TMEM232: variants seen among roughly 807,000 people sequenced by gnomAD.
TMEM232 encodes transmembrane protein 232.
Under a neutral mutation model 78.8 loss-of-function variants are expected in TMEM232, and 80 were observed. The observed-to-expected ratio is 1.01, with a 90% CI of 0.85 to 1.22. TMEM232 has a LOEUF of 1.22. TMEM232 is among the 50% of genes most tolerant of loss of function. TMEM232 has a pLI of 0.00. For missense variants in TMEM232, 881 were observed against 742.2 expected (o/e 1.19, Z -2.17); for synonymous variants, 297 against 254.3 (o/e 1.17, Z -1.60).
chr5:110,482,903 TG>T (rs970408840), intron 12 of TMEM232, among the ~76,000 whole-genome samples: 7 of 150,714 alleles, frequency 4.6e-5, no homozygotes, highest in African/African-American at 1.7e-4. Context: ...AATTTTCCCA[TG>T]GCACACTTTC....
chr5:110,609,896 C>T (rs1288675009), intron 8 of TMEM232, among the ~76,000 whole-genome samples: 2 of 151,958 alleles, frequency 1.3e-5, no homozygotes, highest in Non-Finnish European at 2.9e-5. Context: ...GTATCAGTCT[C>T]AGTACTCAGA....
intron 12 of TMEM232, among the ~76,000 whole-genome samples, chr5:110,502,859 C>T (rs761286845): frequency 5.3e-5 from 8 of 152,176 alleles, no homozygotes; most frequent in Non-Finnish European, 7.3e-5. Flanking sequence ...ACTTAAAAAT[C>T]CTTTCCTCAA....
chr5:110,574,928 G>A lies in TMEM232; in HGVS notation c.1277-6303C>T, dbSNP rs1462427780. Among the ~76,000 whole-genome samples the A allele has an allele frequency of 2.6e-5, 4 of 151,978 alleles. No individual in the cohort carries two copies. In the East Asian group the frequency reaches 7.7e-4, roughly 29 times the overall value. ...ATTATCAAACATGAGTGATGTCTTA[G>A]GGATCTCCAGACTTGTAGTTGGTGT... On this transcript the variant is annotated intron_variant, in intron 10 of 13. Coordinates refer to ENST00000455884, the MANE Select transcript of TMEM232 (RefSeq NM_001039763.4).
intron 12 of TMEM232, among the ~76,000 whole-genome samples, chr5:110,469,456 C>G (rs1042901334): frequency 1.3e-5 from 2 of 152,188 alleles, no homozygotes; most frequent in Admixed American, 6.5e-5. Context: ...AGAGACCAAG[C>G]TGAAGTTACA....
intron 10 of TMEM232, among the ~76,000 whole-genome samples, chr5:110,594,928 G>T (rs1377602541): frequency 6.6e-6 from 1 of 152,208 alleles, no homozygotes; most frequent in Non-Finnish European, 1.5e-5. Flanking sequence ...TCTGCTAAAG[G>T]GCAGACTGCC....
intron 2 of TMEM232, among the ~76,000 whole-genome samples, chr5:110,655,243 A>G (rs1349602291): frequency 6.6e-6 from 1 of 151,978 alleles, no homozygotes; most frequent in African/African-American, 2.4e-5. Flanking sequence ...AAAGTGGGCA[A>G]AGGATATGAA....
rs543775092 is a variant in TMEM232 at position 110,455,273 on chromosome 5, C to T, written c.1704-30357G>A. Among the ~76,000 whole-genome samples the T allele has an allele frequency of 5.1e-4, 78 of 152,176 alleles. 1 individual carries two copies. The highest frequency in any genetic ancestry group is 1.7e-3 in the African/African-American group (71 of 41,536). ...CAAAATCTCCATGAAAGTAACATTT[C>T]GCAATTCATCTCATGAGGCCAGTGC... On this transcript the variant is annotated intron_variant, in intron 12 of 13. Transcript: ENST00000455884.
chr5:110,656,714 G>C (rs930457562), intron 2 of TMEM232, among the ~76,000 whole-genome samples: 1 of 151,696 alleles, frequency 6.6e-6, no homozygotes, highest in Non-Finnish European at 1.5e-5. Flanking sequence ...GCAGGGCACC[G>C]GTAGTCCCAG....
chr5:110,584,837 T>G (rs1053205915), intron 10 of TMEM232, among the ~76,000 whole-genome samples: 8 of 152,120 alleles, frequency 5.3e-5, no homozygotes, highest in African/African-American at 7.2e-5. Context: ...TGAATATATA[T>G]CACCATAATT....
In TMEM232 at chr5:110,574,281, A is replaced by G. The variant is rs554007413; in HGVS notation, c.1277-5656T>C. ...CTTTTCGCTTCTTGGTAGAAAATGG[A>G]CTCTATGGAATATAAGAGGGAAGCA... On this transcript the variant is annotated intron_variant, in intron 10 of 13. Transcript: ENST00000455884. Among the ~76,000 whole-genome samples the G allele has an allele frequency of 2.8e-4, 43 of 152,152 alleles. No homozygotes were observed. In the South Asian group the frequency reaches 8.9e-3, roughly 32 times the overall value.
intron 7 of TMEM232, among the ~76,000 whole-genome samples, chr5:110,623,566 T>C (rs897580340): frequency 1.3e-5 from 2 of 152,070 alleles, no homozygotes; most frequent in African/African-American, 4.8e-5. Context: ...GTGAGAGAGA[T>C]GGGTATTGAA....
At chr5:110,403,438 T>C (rs1211938466) in intron 2 of TMEM232, among the ~76,000 whole-genome samples, 3 of 152,070 alleles carry the variant, frequency 2.0e-5, no homozygotes, top group African/African-American at 4.8e-5. Flanking sequence ...TCCCATATTC[T>C]TATTTTGATC....
chr5:110,475,722 A>T (rs955659373), intron 12 of TMEM232, among the ~76,000 whole-genome samples: 2 of 151,872 alleles, frequency 1.3e-5, no homozygotes, highest in African/African-American at 4.8e-5. Context: ...TCCCAGAGAA[A>T]GAACTCTGCA....
At chr5:110,693,246 G>A (rs1794354669) in intron 1 of TMEM232, among the ~76,000 whole-genome samples, 1 of 152,206 alleles carries the variant, frequency 6.6e-6, no homozygotes, top group Admixed American at 6.5e-5. Context: ...TGAGGGTACT[G>A]ACTGTTAGAA....
At chr5:110,661,640 T>C (rs1580555282) in intron 2 of TMEM232, among the ~76,000 whole-genome samples, 1 of 152,176 alleles carries the variant, frequency 6.6e-6, no homozygotes, top group African/African-American at 2.4e-5. Context: ...AATCTGCCAA[T>C]TTCCCTTCTT....
chr5:110,640,310 T>C (rs868557601), intron 4 of TMEM232, among the ~76,000 whole-genome samples: 1 of 152,164 alleles, frequency 6.6e-6, no homozygotes, highest in African/African-American at 2.4e-5. Context: ...TCTGAGCTCA[T>C]GTGGTTAACA....
chr5:110,684,878 T>C (rs1793200150), intron 1 of TMEM232: 1 of 152,104 alleles, frequency 6.6e-6, no homozygotes, highest in Admixed American at 6.6e-5. Context: ...ATCTCTTTTT[T>C]TCTGTACAGT....
intron 2 of TMEM232, among the ~76,000 whole-genome samples, chr5:110,666,075 T>G (rs1394677030): frequency 6.6e-6 from 1 of 152,048 alleles, no homozygotes; most frequent in Non-Finnish European, 1.5e-5. Flanking sequence ...GATGACCCTG[T>G]CTCTAAAAAT....
At chr5:110,455,808 A>G (rs57353550) in intron 12 of TMEM232, among the ~76,000 whole-genome samples, 9,792 of 152,288 alleles carry the variant, frequency 0.064, 1,098 homozygotes, top group African/African-American at 0.23. Context: ...ACATTGAAAA[A>G]ATCAATCATA....
Sources: gnomAD v4.1 joint callset for allele counts (sites outside exome capture counted in the v4.1 genomes callset) on GRCh38, gnomAD v4.1.1 for gene constraint, MANE v1.5 for transcripts, NCBI Gene and HGNC (gene_info 2026-07-23, HGNC 2026-07-21) for gene names.